The following SFI1 variants were observed in gnomAD, a reference collection of about 807,000 sequenced individuals.
SFI1 encodes SFI1 centrin binding protein.
SFI1 carries 195 observed loss-of-function variants against 207.5 expected under a neutral mutation model. The ratio of observed to expected loss-of-function variants is 0.94; its 90% CI spans 0.84 to 1.06. The LOEUF (loss-of-function observed/expected upper bound fraction) is 1.06. Ranked by LOEUF, SFI1 falls within the 50% of genes least tolerant of loss-of-function variation. The probability of loss-of-function intolerance (pLI) is 0.00; values close to 1 mark genes in which losing one functional copy is unlikely to be tolerated. For missense variants in SFI1, 1,634 were observed against 1,588.0 expected (o/e 1.03, Z -0.49); for synonymous variants, 630 against 598.9 (o/e 1.05, Z -0.76).
At chr22:31,577,337 G>T (rs2063630816) in intron 10 of SFI1, among the ~76,000 whole-genome samples, 1 of 152,182 alleles carries the variant, frequency 6.6e-6, no homozygotes, top group African/African-American at 2.4e-5. Flanking sequence ...AAGCATTCAA[G>T]AATCCAGTGG....
intron 24 of SFI1, 158 bp downstream of exon 24, chr22:31,611,998 G>T: frequency 7.0e-7 from 1 of 1,425,980 alleles, no homozygotes; most frequent in Admixed American, 2.7e-5. Flanking sequence ...GTCATTTCCA[G>T]GCACATCAGC....
At chr22:31,563,251 C>A (rs970989487) in intron 8 of SFI1, among the ~76,000 whole-genome samples, 3 of 152,074 alleles carry the variant, frequency 2.0e-5, no homozygotes, top group Non-Finnish European at 4.4e-5. Context: ...CCTCAGCCTC[C>A]CAAAGTGCTG....
At chr22:31,591,577 G>C in intron 15 of SFI1, among the ~76,000 whole-genome samples, 1 of 137,986 alleles carries the variant, frequency 7.2e-6, no homozygotes, top group Non-Finnish European at 1.6e-5. Flanking sequence ...CCCGGACGGG[G>C]CGGCTGGCCG....
chr22:31,536,532 C>T (rs1357249698), intron 4 of SFI1, among the ~76,000 whole-genome samples: 2 of 152,162 alleles, frequency 1.3e-5, no homozygotes, highest in African/African-American at 2.4e-5. Context: ...CTGCCTCCGC[C>T]TCCTGAGTAG....
At chr22:31,560,643 TC>T (rs1428604437) in intron 7 of SFI1, among the ~76,000 whole-genome samples, 3 of 151,566 alleles carry the variant, frequency 2.0e-5, no homozygotes, top group Non-Finnish European at 4.4e-5. Flanking sequence ...CCTCAAGTAA[TC>T]CACCTGCCTC....
chr22:31,609,069 C>T (rs988402820), intron 22 of SFI1, among the ~76,000 whole-genome samples: 1 of 151,960 alleles, frequency 6.6e-6, no homozygotes, highest in African/African-American at 2.4e-5. Flanking sequence ...GCGATCTCGG[C>T]TCACTGCAAC....
intron 8 of SFI1, among the ~76,000 whole-genome samples, chr22:31,568,264 C>T (rs868526930): frequency 1.9e-4 from 27 of 145,664 alleles, no homozygotes; most frequent in Middle Eastern, 7.1e-3. Context: ...TCTGGTCTGG[C>T]GCGATGGCTC....
rs775019638 is a variant in SFI1 at position 31,583,895 on chromosome 22, C to T, written c.1269C>T (p.Asn423=). The change falls in exon 13 of 33, where the codon AAC becomes AAT. Residue 423 remains asparagine (N), a synonymous_variant. Coordinates refer to ENST00000400288, the MANE Select transcript of SFI1 (RefSeq NM_001007467.3). ...HGVTLLHRFW[N]LWRSQIEQKK... ...TTTAGCTGCTGCACAGGTTCTGGAA[C>T]CTCTGGCGGTCTCAGATTGAGCAGA... 5 of 1,614,132 alleles carry T rather than the reference C, an allele frequency of 3.1e-6. No homozygotes were observed. Among genetic ancestry groups the T allele is most frequent in the Admixed American group, 3.3e-5 (2 of 60,016 alleles).
At chr22:31,514,397 A>G (rs1236681011) in intron 2 of SFI1, among the ~76,000 whole-genome samples, 1 of 150,606 alleles carries the variant, frequency 6.6e-6, no homozygotes, top group Non-Finnish European at 1.5e-5. Context: ...AGTCCCAGCT[A>G]CTTGGGAGGC....
chr22:31,604,365 C>T lies in SFI1; in HGVS notation c.1938C>T (p.His646=). The change falls in exon 19 of 33, where the codon CAC becomes CAT. Residue 646 remains histidine (H), a synonymous_variant. Transcript: ENST00000400288. ...RQKLMRADLH[H]QHSVLHRALQ... ...AGCTGATGCGAGCAGACCTGCACCACCAGCACAGCGTGCTGCACAGGGCGC... is the reference window on the plus strand; with the variant it reads ...AGCTGATGCGAGCAGACCTGCACCATCAGCACAGCGTGCTGCACAGGGCGC... The T allele has an allele frequency of 1.3e-6, 2 of 1,576,042 alleles. No individual in the cohort carries two copies. The highest frequency in any genetic ancestry group is 8.6e-7 in the Non-Finnish European group (1 of 1,163,222).
At position 31,606,127 on chromosome 22, in the gene SFI1, G is replaced by A. The variant is rs375863971; in HGVS notation, c.2055-201G>A. ...GTGCTGGGTCCCTCATGCACTCTTGGTGCCCAGCCCAGAGCAGCTGCTCAG... is the reference window on the plus strand; with the variant it reads ...GTGCTGGGTCCCTCATGCACTCTTGATGCCCAGCCCAGAGCAGCTGCTCAG... On this transcript the variant is annotated intron_variant, in intron 20 of 32. Transcript: ENST00000400288. 3.3e-4 allele frequency: 193 copies of A among 580,264 alleles called. 6 individuals carry two copies. In the South Asian group the frequency reaches 3.8e-3, roughly 11 times the overall value. 35.9% of individuals were successfully genotyped at this position (580,264 alleles called of 1,614,324 possible). A position where few individuals can be genotyped will look rare whatever the true frequency, so the allele number is the denominator to read the frequency against.
At chr22:31,553,529 A>ATTT (rs71202096) in intron 6 of SFI1, among the ~76,000 whole-genome samples, 3,996 of 82,590 alleles carry the variant, frequency 0.048, 104 homozygotes, top group Non-Finnish European at 0.056. Flanking sequence ...TAATTTTTGT[A>ATTT]TTTTTTTTTT....
intron 8 of SFI1, among the ~76,000 whole-genome samples, chr22:31,567,811 C>G (rs939325606): frequency 6.6e-6 from 1 of 151,918 alleles, no homozygotes; most frequent in African/African-American, 2.4e-5. Context: ...CAAACTGAAA[C>G]GAACATATCA....
chr22:31,520,021 C>T (rs2057026693), intron 2 of SFI1, among the ~76,000 whole-genome samples: 1 of 151,794 alleles, frequency 6.6e-6, no homozygotes, highest in Non-Finnish European at 1.5e-5. Flanking sequence ...CCGCCTCAGC[C>T]TCCCAAAGTG....
chr22:31,559,477 C>T (rs1014303706), intron 7 of SFI1: 3 of 473,116 alleles, frequency 6.3e-6, no homozygotes, highest in Non-Finnish European at 1.2e-5. Context: ...CAGTTGTGTT[C>T]CTGCTATGTC....
At chr22:31,502,084 TTA>T (rs1437777405) in intron 1 of SFI1, among the ~76,000 whole-genome samples, 1 of 152,190 alleles carries the variant, frequency 6.6e-6, no homozygotes, top group African/African-American at 2.4e-5. Flanking sequence ...GGGTAAATAA[TTA>T]TCTTACTTGT....
At chr22:31,539,448 G>GCT (rs2059282661) in intron 4 of SFI1, among the ~76,000 whole-genome samples, 1 of 152,134 alleles carries the variant, frequency 6.6e-6, no homozygotes, top group South Asian at 2.1e-4. Flanking sequence ...CCGAGAGCTT[G>GCT]TTCTTGTTCT....
intron 15 of SFI1, among the ~76,000 whole-genome samples, chr22:31,596,770 C>T (rs1479641252): frequency 4.0e-5 from 4 of 100,138 alleles, no homozygotes. Context: ...GGTGACAGAG[C>T]AAGATTCCAT....
At chr22:31,497,035 C>CTGGT (rs896582917) in intron 1 of SFI1, among the ~76,000 whole-genome samples, 1 of 152,228 alleles carries the variant, frequency 6.6e-6, no homozygotes, top group African/African-American at 2.4e-5. Context: ...AGCGGAAGGG[C>CTGGT]TGGTATATGG....
Sources: gnomAD v4.1 joint callset for allele counts (sites outside exome capture counted in the v4.1 genomes callset) on GRCh38, gnomAD v4.1.1 for gene constraint, MANE v1.5 for transcripts, NCBI Gene and HGNC (gene_info 2026-07-23, HGNC 2026-07-21) for gene names.